The following ITFG1 variants were observed in gnomAD, a reference collection of about 807,000 sequenced individuals.
ITFG1 encodes the protein T-cell immunomodulatory protein.
In ITFG1, 34 loss-of-function variants were observed where a neutral mutation model predicts 81.8. The ratio of observed to expected loss-of-function variants is 0.42; its 90% CI spans 0.32 to 0.55. ITFG1 has a LOEUF of 0.55. Among genes scored for constraint, ITFG1 ranks in the 20% least tolerant of loss-of-function variants. The probability of loss-of-function intolerance (pLI) is 0.17; values close to 1 mark genes in which losing one functional copy is unlikely to be tolerated. For synonymous variants in ITFG1, 285 were observed against 270.6 expected (o/e 1.05, Z -0.52); for missense variants, 672 against 755.4 (o/e 0.89, Z 1.29).
intron 10 of ITFG1, among the ~76,000 whole-genome samples, chr16:47,287,450 G>A (rs1237752135): frequency 6.6e-6 from 1 of 152,104 alleles, no homozygotes; most frequent in Non-Finnish European, 1.5e-5. Context: ...ACCCAGGCAG[G>A]AGTGCAGTGG....
At chr16:47,214,824 ATGT>A (rs202070563) in intron 14 of ITFG1, among the ~76,000 whole-genome samples, 2,862 of 151,710 alleles carry the variant, frequency 0.019, 94 homozygotes, top group African/African-American at 0.066. Flanking sequence ...ATATTAATTT[ATGT>A]TGTTGTTGTT....
chr16:47,287,900 T>C (rs1966876366), intron 10 of ITFG1, among the ~76,000 whole-genome samples: 1 of 152,242 alleles, frequency 6.6e-6, no homozygotes, highest in Non-Finnish European at 1.5e-5. Context: ...TTAGAAAGCA[T>C]GGCAAGAATA....
intron 12 of ITFG1, among the ~76,000 whole-genome samples, chr16:47,249,499 A>G (rs1216107001): frequency 1.3e-5 from 2 of 152,316 alleles, no homozygotes; most frequent in East Asian, 1.9e-4. Flanking sequence ...AGCTGTTCCA[A>G]AAAGTAATTT....
intron 8 of ITFG1, among the ~76,000 whole-genome samples, chr16:47,323,418 T>G (rs1211587846): frequency 5.9e-5 from 9 of 152,178 alleles, no homozygotes; most frequent in Admixed American, 3.3e-4. Context: ...TGATTCTCTG[T>G]GCTGCCTTGG....
In ITFG1 at chr16:47,404,403, G is replaced by A. The variant is rs537912867; in HGVS notation, c.655+24401C>T. On this transcript the variant is annotated intron_variant, in intron 6 of 17. Coordinates refer to ENST00000320640, the MANE Select transcript of ITFG1 (RefSeq NM_030790.5). ...AAAAATGAAGTTACAAAATAGTATA[G>A]GGCCCCCTTTATTGGTAATCATTTA... Among the ~76,000 whole-genome samples, 3 of 152,172 alleles carry A rather than the reference G, an allele frequency of 2.0e-5. No individual in the cohort carries two copies. The South Asian group carries it at 6.2e-4, about 32-fold the overall frequency.
intron 6 of ITFG1, among the ~76,000 whole-genome samples, chr16:47,417,508 G>C (rs1968889346): frequency 1.3e-5 from 2 of 152,092 alleles, no homozygotes; most frequent in South Asian, 4.1e-4. Context: ...TCTTCTAACT[G>C]TATATTTATA....
chr16:47,184,171 C>T (rs953586799), intron 14 of ITFG1, among the ~76,000 whole-genome samples: 33 of 152,190 alleles, frequency 2.2e-4, no homozygotes, highest in African/African-American at 7.0e-4. Flanking sequence ...CTGAAAGTGA[C>T]GGGGAGAATG....
At chr16:47,438,120 C>T (rs1969193324) in intron 5 of ITFG1, among the ~76,000 whole-genome samples, 1 of 152,196 alleles carries the variant, frequency 6.6e-6, no homozygotes, top group Non-Finnish European at 1.5e-5. Flanking sequence ...GGTAAGGCCA[C>T]AGCGAGGCTG....
intron 10 of ITFG1, among the ~76,000 whole-genome samples, chr16:47,272,713 G>A (rs1478708755): frequency 6.6e-6 from 1 of 151,778 alleles, no homozygotes; most frequent in East Asian, 1.9e-4. Context: ...ACTTTTAAAA[G>A]CCACTAAATT....
chr16:47,341,959 G>T (rs1000025616), intron 8 of ITFG1, among the ~76,000 whole-genome samples: 4 of 152,114 alleles, frequency 2.6e-5, no homozygotes, highest in Non-Finnish European at 1.5e-5. Flanking sequence ...AGTCCAACCA[G>T]ATGGCTTCTC....
At chr16:47,382,840 A>C (rs1046429690) in intron 6 of ITFG1, among the ~76,000 whole-genome samples, 2 of 152,246 alleles carry the variant, frequency 1.3e-5, no homozygotes, top group Non-Finnish European at 2.9e-5. Context: ...GAGGGTTATT[A>C]ACAAATGAGG....
At chr16:47,340,042 C>T (rs780373023) in intron 8 of ITFG1, among the ~76,000 whole-genome samples, 5 of 152,088 alleles carry the variant, frequency 3.3e-5, no homozygotes, top group African/African-American at 4.8e-5. Context: ...GGCCAGCAGG[C>T]AGTGGGATGA....
chr16:47,243,334 A>AT (rs1244636707), intron 12 of ITFG1, among the ~76,000 whole-genome samples: 1 of 152,180 alleles, frequency 6.6e-6, no homozygotes, highest in Admixed American at 6.5e-5. Flanking sequence ...TACTTTTATC[A>AT]TATACTCTTG....
intron 14 of ITFG1, among the ~76,000 whole-genome samples, chr16:47,186,959 C>T (rs1265352309): frequency 1.3e-5 from 2 of 152,094 alleles, no homozygotes; most frequent in Admixed American, 6.5e-5. Flanking sequence ...CATTCTTATA[C>T]ACCAGTAACA....
intron 10 of ITFG1, among the ~76,000 whole-genome samples, chr16:47,294,240 G>C (rs1411748464): frequency 6.6e-6 from 1 of 151,962 alleles, no homozygotes; most frequent in Admixed American, 6.6e-5. Context: ...CTTAATACCA[G>C]TACTATGTTT....
chr16:47,437,977 C>T (rs1313826638), intron 5 of ITFG1, among the ~76,000 whole-genome samples: 2 of 152,202 alleles, frequency 1.3e-5, no homozygotes, highest in East Asian at 3.9e-4. Flanking sequence ...ACGGGTCACT[C>T]CCACCCTAAT....
chr16:47,214,825 T>A (rs1036807313), intron 14 of ITFG1, among the ~76,000 whole-genome samples: 3 of 146,494 alleles, frequency 2.0e-5, no homozygotes, highest in African/African-American at 8.3e-5. Flanking sequence ...TATTAATTTA[T>A]GTTGTTGTTG....
At chr16:47,255,111 G>T (rs1049859380) in intron 12 of ITFG1, among the ~76,000 whole-genome samples, 14 of 152,096 alleles carry the variant, frequency 9.2e-5, no homozygotes, top group Non-Finnish European at 1.8e-4. Context: ...AAGTACACTG[G>T]CAAAATTCAA....
chr16:47,247,298 T>C (rs903387037), intron 12 of ITFG1, among the ~76,000 whole-genome samples: 2 of 152,222 alleles, frequency 1.3e-5, no homozygotes, highest in Non-Finnish European at 2.9e-5. Flanking sequence ...CAATCACAGT[T>C]TATTACAATT....
Sources: allele counts gnomAD v4.1 joint callset (sites outside exome capture counted in the v4.1 genomes callset), GRCh38; gene constraint gnomAD v4.1.1; transcripts MANE v1.5; gene names NCBI Gene and HGNC (gene_info 2026-07-23, HGNC 2026-07-21).